DENND1B: variants seen among roughly 807,000 people sequenced by gnomAD.
The protein encoded by DENND1B is DENN domain-containing protein 1B.
DENND1B carries 59 observed loss-of-function variants against 90.1 expected under a neutral mutation model. That is an observed-to-expected ratio of 0.65 (90% CI 0.53 to 0.81). The LOEUF (loss-of-function observed/expected upper bound fraction) is 0.81, where lower values mean the gene tolerates loss of function less well. DENND1B is among the 40% of genes least tolerant of loss of function. The pLI is 0.00. For synonymous variants in DENND1B, 337 were observed against 324.6 expected (o/e 1.04, Z -0.41); for missense variants, 862 against 912.6 (o/e 0.94, Z 0.71).
intron 3 of DENND1B, among the ~76,000 whole-genome samples, chr1:197,706,570 AAAC>A (rs1659556519): frequency 2.6e-5 from 4 of 152,334 alleles, no homozygotes; most frequent in Admixed American, 2.0e-4. Flanking sequence ...CAAGGAACTC[AAAC>A]AACAGCAAAA....
intron 11 of DENND1B, among the ~76,000 whole-genome samples, chr1:197,616,325 AATATT>A (rs1178367363): frequency 1.3e-5 from 2 of 151,104 alleles, no homozygotes; most frequent in African/African-American, 4.8e-5. Flanking sequence ...GGAATGCTAA[AATATT>A]ATAGGTATGT....
intron 2 of DENND1B, among the ~76,000 whole-genome samples, chr1:197,742,476 A>C (rs988806559): frequency 6.6e-6 from 1 of 152,218 alleles, no homozygotes; most frequent in African/African-American, 2.4e-5. Flanking sequence ...ATGCAAATTA[A>C]AGTGATAGGA....
intron 2 of DENND1B, among the ~76,000 whole-genome samples, chr1:197,739,795 C>G (rs1386629798): frequency 6.6e-6 from 1 of 152,050 alleles, no homozygotes. Context: ...AAGAGCTGAA[C>G]AGACATTTCA....
chr1:197,646,674 C>T (rs935096427), intron 8 of DENND1B, among the ~76,000 whole-genome samples: 1 of 151,924 alleles, frequency 6.6e-6, no homozygotes, highest in Non-Finnish European at 1.5e-5. Context: ...CAGTCATAAT[C>T]TATAATTTTC....
At chr1:197,661,541 G>A (rs544782973) in intron 5 of DENND1B, among the ~76,000 whole-genome samples, 1 of 151,978 alleles carries the variant, frequency 6.6e-6, no homozygotes, top group South Asian at 2.1e-4. Context: ...AACTCTCAAG[G>A]AGCTTTAGAT....
intron 10 of DENND1B, among the ~76,000 whole-genome samples, chr1:197,642,018 A>T (rs563570505): frequency 6.6e-6 from 1 of 152,216 alleles, no homozygotes; most frequent in Admixed American, 6.5e-5. Context: ...GTATTTAAAA[A>T]TTTAAGTTGA....
intron 2 of DENND1B, among the ~76,000 whole-genome samples, chr1:197,739,505 C>T (rs1340001959): frequency 6.6e-6 from 1 of 152,026 alleles, no homozygotes; most frequent in Non-Finnish European, 1.5e-5. Flanking sequence ...ATATTTGTAA[C>T]TTAAATAACA....
chr1:197,746,531 C>T (rs1301684210), intron 2 of DENND1B, among the ~76,000 whole-genome samples: 1 of 152,090 alleles, frequency 6.6e-6, no homozygotes, highest in African/African-American at 2.4e-5. Flanking sequence ...TTTTTTCTTA[C>T]ATTTCTTATA....
chr1:197,524,865 C>G (rs990124336), intron 20 of DENND1B, among the ~76,000 whole-genome samples: 1 of 152,128 alleles, frequency 6.6e-6, no homozygotes, highest in African/African-American at 2.4e-5. Context: ...AAGAAATCTG[C>G]ATATTAGATT....
intron 2 of DENND1B, among the ~76,000 whole-genome samples, chr1:197,722,096 A>G (rs1364330345): frequency 6.6e-6 from 1 of 152,114 alleles, no homozygotes; most frequent in Admixed American, 6.6e-5. Context: ...AATGTCTTAC[A>G]ATGCTTTCTT....
At chr1:197,514,124 A>G (rs1668233316) in intron 20 of DENND1B, among the ~76,000 whole-genome samples, 1 of 151,716 alleles carries the variant, frequency 6.6e-6, no homozygotes, top group African/African-American at 2.4e-5. Flanking sequence ...TTAGCATTCC[A>G]TGATAACGAC....
intron 13 of DENND1B, among the ~76,000 whole-genome samples, chr1:197,603,484 C>T (rs1274234873): frequency 6.6e-6 from 1 of 150,966 alleles, no homozygotes; most frequent in African/African-American, 2.4e-5. Context: ...TATTACTATT[C>T]TTACAATCTA....
intron 2 of DENND1B, among the ~76,000 whole-genome samples, chr1:197,761,126 A>G (rs1654987953): frequency 6.6e-6 from 1 of 152,218 alleles, no homozygotes. Context: ...CACACATTTC[A>G]TAGTAAAACT....
chr1:197,775,263 C>T lies in DENND1B; in HGVS notation c.-108G>A, dbSNP rs1455082428. The T allele has an allele frequency of 1.5e-5, 14 of 955,888 alleles. No individual in the cohort carries two copies. In the East Asian group the frequency reaches 4.4e-4, roughly 30 times the overall value. The allele number at this position is 955,888 out of a possible 1,614,324, so 59.2% of individuals were successfully genotyped here. On this transcript the variant is annotated 5_prime_UTR_variant, in exon 1 of 23. The change creates a new upstream start codon in the 5' untranslated region. Transcript: ENST00000620048. ...CCGTCCCCGCCCACGCCGGCGGCCA[C>T]ACAGGGAAAGAGGCTGCTCACAGCA...
chr1:197,768,176 C>G (rs546977213), intron 2 of DENND1B, among the ~76,000 whole-genome samples: 2 of 151,858 alleles, frequency 1.3e-5, no homozygotes, highest in Non-Finnish European at 2.9e-5. Flanking sequence ...CTTCGTCGTC[C>G]TCCTCCTCGT....
chr1:197,762,086 G>C (rs1296753297), intron 2 of DENND1B: 1 of 151,924 alleles, frequency 6.6e-6, no homozygotes, highest in Admixed American at 6.6e-5. Flanking sequence ...ATAACTTATA[G>C]CAAGTAATCA....
intron 15 of DENND1B, among the ~76,000 whole-genome samples, chr1:197,579,959 A>G (rs1674050143): frequency 6.6e-6 from 1 of 151,860 alleles, no homozygotes; most frequent in East Asian, 1.9e-4. Flanking sequence ...GGCTATTTTC[A>G]TATTCTATTT....
intron 14 of DENND1B, among the ~76,000 whole-genome samples, chr1:197,591,935 C>G (rs947986628): frequency 1.3e-5 from 2 of 151,696 alleles, no homozygotes; most frequent in Non-Finnish European, 2.9e-5. Context: ...GCGGCAAAAC[C>G]CCGTCTCTAC....
intron 2 of DENND1B, among the ~76,000 whole-genome samples, chr1:197,771,987 G>C (rs985928827): frequency 1.3e-5 from 2 of 152,088 alleles, no homozygotes; most frequent in African/African-American, 4.8e-5. Flanking sequence ...AAAGTATTAT[G>C]CTCTCATCTT....
Sources: allele counts gnomAD v4.1 joint callset (sites outside exome capture counted in the v4.1 genomes callset), GRCh38; gene constraint gnomAD v4.1.1; transcripts MANE v1.5; gene names NCBI Gene and HGNC (gene_info 2026-07-23, HGNC 2026-07-21).